Variants in ACO1 observed in about 807,000 individuals in gnomAD.
ACO1 encodes aconitase 1, also known as cytoplasmic aconitate hydratase.
ACO1 carries 78 observed loss-of-function variants against 105.1 expected under a neutral mutation model. That is an observed-to-expected ratio of 0.74 (90% CI 0.62 to 0.90). The LOEUF is 0.90. Among genes scored for constraint, ACO1 ranks in the 40% least tolerant of loss-of-function variants. The pLI, the probability that ACO1 is intolerant of heterozygous loss-of-function variation, is 0.00. For synonymous variants in ACO1, 364 were observed against 397.4 expected, an observed-to-expected ratio of 0.92 and a Z score of 1.00; for missense variants, 965 against 1,111.1, an observed-to-expected ratio of 0.87 and a Z score of 1.87.
intron 20 of ACO1, among the ~76,000 whole-genome samples, chr9:32,449,738 G>A (rs1197918279): frequency 6.6e-6 from 1 of 152,144 alleles, no homozygotes. Flanking sequence ...CTAGTTCTTA[G>A]ATGGCTCTCA....
intron 12 of ACO1, among the ~76,000 whole-genome samples, chr9:32,428,041 A>G (rs959540319): frequency 1.1e-4 from 16 of 152,000 alleles, no homozygotes; most frequent in Admixed American, 9.8e-4. Context: ...TTGGGAGGCC[A>G]GGGCAAGAGG....
chr9:32,412,051 T>G (rs906748557), intron 4 of ACO1, among the ~76,000 whole-genome samples: 2 of 152,180 alleles, frequency 1.3e-5, no homozygotes, highest in African/African-American at 4.8e-5. Context: ...TCTGGATAGC[T>G]GACTTCAGAA....
intron 1 of ACO1, among the ~76,000 whole-genome samples, chr9:32,391,605 G>A (rs1442614678): frequency 6.6e-6 from 1 of 152,236 alleles, no homozygotes; most frequent in African/African-American, 2.4e-5. Context: ...CCCATCTTTG[G>A]ATAGTGTAAC....
intron 4 of ACO1, among the ~76,000 whole-genome samples, chr9:32,412,707 G>A (rs1200378637): frequency 6.6e-6 from 1 of 152,040 alleles, no homozygotes; most frequent in African/African-American, 2.4e-5. Context: ...CCTAAATCAC[G>A]TGAACTCAGT....
rs1245998805 is a variant in ACO1, at chr9:32,440,461, T to A, written c.2248-4T>A. 1 of 1,613,696 alleles carries A rather than the reference T, an allele frequency of 6.2e-7. No individual in the cohort carries two copies. The highest frequency in any genetic ancestry group is 8.5e-7 in the Non-Finnish European group (1 of 1,179,732). The stretch of plus-strand genomic sequence containing the variant: ...TCTGTAAAACTTCCTTTTCTCTTCC[T>A]CAGCTTGATGTGTTTGATGCTGCTG... On this transcript the variant is annotated splice_region_variant and splice_polypyrimidine_tract_variant and intron_variant, in intron 18 of 20. Transcript: ENST00000309951.
rs1403944134 is a variant in ACO1 at position 32,450,097 on chromosome 9, A to C, written c.2656A>C (p.Lys886Gln). The change falls in exon 21 of 21, where the codon AAG becomes CAG. Residue 886 changes from lysine (K) to glutamine (Q), a missense_variant. Coordinates refer to ENST00000309951, the MANE Select transcript of ACO1 (RefSeq NM_002197.3). The stretch of plus-strand genomic sequence containing the variant: ...GGGCATCCTCAACTACATGATCCGC[A>C]AGATGGCCAAGTAGGAGACGTGCAC... ...NGGILNYMIR[K>Q]MAK 1 of 1,613,522 alleles carries C rather than the reference A, an allele frequency of 6.2e-7. No individual in the cohort carries two copies. The highest frequency in any genetic ancestry group is 8.5e-7 in the Non-Finnish European group (1 of 1,179,820).
chr9:32,405,551 A>G lies in ACO1; in HGVS notation c.45A>G (p.Val15=). 1 of 1,614,110 alleles carries G rather than the reference A, an allele frequency of 6.2e-7. No homozygotes were observed. Among genetic ancestry groups the G allele is most frequent in the Non-Finnish European group, 8.5e-7 (1 of 1,180,010 alleles). The change falls in exon 2 of 21, where the codon GTA becomes GTG. Residue 15 remains valine, a synonymous_variant. Coordinates refer to ENST00000309951, the MANE Select transcript of ACO1 (RefSeq NM_002197.3). ...ACCTTGCTGAGCCATTGGATCCTGTACAACCAGGAAAGAAATTCTTCAATT... is the reference window on the plus strand; with the variant it reads ...ACCTTGCTGAGCCATTGGATCCTGTGCAACCAGGAAAGAAATTCTTCAATT... ...FAHLAEPLDP[V]QPGKKFFNLN... is the part of the protein sequence containing the mutation.
Position 32,452,064 on chromosome 9 carries a change from C to CAAAAAA in ACO1, c.*1963_*1968dup, listed in dbSNP as rs35264413. The CAAAAAA allele has an allele frequency of 7.3e-6, 1 of 137,352 alleles. No homozygotes were observed. The highest frequency in any genetic ancestry group is 7.3e-5 in the Admixed American group (1 of 13,724). The allele number at this position is 137,352 out of a possible 1,614,324, so 8.5% of individuals were successfully genotyped here. A position where few individuals can be genotyped will look rare whatever the true frequency, so the allele number is the denominator to read the frequency against. On this transcript the variant is annotated 3_prime_UTR_variant, in exon 21 of 21. Coordinates refer to ENST00000309951, the MANE Select transcript of ACO1 (RefSeq NM_002197.3). The stretch of plus-strand genomic sequence containing the variant: ...GGGCTACAAGAGCAAAGCTCCGTCT[C>CAAAAAA]AAAAAAAAAAAAAAATTACAAACAA...
In ACO1 at chr9:32,434,674, C is replaced by T. The variant is rs1379640618; in HGVS notation, c.2072C>T (p.Pro691Leu). Residue 691 changes from proline (P) to leucine (L), a missense_variant, in exon 17 of 21, where the codon CCT becomes CTT. By Grantham distance (98) the Pro-to-Leu change is moderately conservative. Transcript: ENST00000309951. ...SPAGNIARNS[P>L]AARYLTNRGL... ...GCTGGAAATATTGCAAGAAACAGTC[C>T]TGCTGCTCGCTACTTAACTAACAGA... 2 of 1,613,980 alleles carry T rather than the reference C, an allele frequency of 1.2e-6. No homozygotes were observed. The highest frequency in any genetic ancestry group is 1.3e-5 in the African/African-American group (1 of 74,902).
intron 19 of ACO1, among the ~76,000 whole-genome samples, chr9:32,444,903 G>A (rs1044578225): frequency 6.6e-6 from 1 of 152,164 alleles, no homozygotes; most frequent in Non-Finnish European, 1.5e-5. Context: ...TTCTGTTTAT[G>A]TGATGGATTA....
chr9:32,400,263 G>A (rs897125625), intron 1 of ACO1, among the ~76,000 whole-genome samples: 1 of 152,010 alleles, frequency 6.6e-6, no homozygotes, highest in Non-Finnish European at 1.5e-5. Flanking sequence ...AAGCCACTGC[G>A]CCTGGCTGTA....
At chr9:32,426,061 G>C in intron 11 of ACO1, 64 bp downstream of exon 11, 2 of 1,541,998 alleles carry the variant, frequency 1.3e-6, no homozygotes, top group South Asian at 2.4e-5. Context: ...GCCCGAGACA[G>C]GGCCCAGGGC....
rs1822723933 is a variant in ACO1, at chr9:32,450,063, C to G, written c.2622C>G (p.Phe874Leu). Residue 874 changes from phenylalanine to leucine, a missense_variant, in exon 21 of 21, where the codon TTC becomes TTG. Physicochemically the swap from Phe to Leu is conservative, Grantham distance 22. Transcript: ENST00000309951. Reference protein sequence around the residue: ...RFDTDVELTYFLNGGILNYMI... With the variant: ...RFDTDVELTYLLNGGILNYMI... ...ACACTGATGTGGAGCTCACTTATTT[C>G]CTCAACGGGGGCATCCTCAACTACA... is the stretch of plus-strand genomic sequence containing the variant. 6.2e-7 allele frequency: 1 copy of G among 1,613,856 alleles called. No homozygotes were observed. The highest frequency in any genetic ancestry group is 8.5e-7 in the Non-Finnish European group (1 of 1,179,978).
intron 1 of ACO1, among the ~76,000 whole-genome samples, chr9:32,391,163 A>G (rs962544906): frequency 6.6e-6 from 1 of 152,220 alleles, no homozygotes; most frequent in Non-Finnish European, 1.5e-5. Context: ...TAATTATCCT[A>G]GCAGCCCTTG....
At position 32,420,935 on chromosome 9, in the gene ACO1, G is replaced by A. The variant is rs146504268; in HGVS notation, c.878G>A (p.Arg293Gln). Residue 293 changes from arginine to glutamine, a missense_variant, in exon 8 of 21, where the codon CGA becomes CAA. Physicochemically the swap from Arg to Gln is conservative, Grantham distance 43. Transcript: ENST00000309951. ...PGVAQLSIAD[R>Q]ATIANMCPEY... ...GTAGCCCAGTTGTCCATTGCTGACCGAGCTACGATTGCTAACATGTGTCCA... is the reference window on the plus strand; with the variant it reads ...GTAGCCCAGTTGTCCATTGCTGACCAAGCTACGATTGCTAACATGTGTCCA... The A allele has an allele frequency of 3.7e-5, 60 of 1,613,964 alleles. No individual in the cohort carries two copies. The highest frequency in any genetic ancestry group is 4.7e-5 in the Non-Finnish European group (56 of 1,179,988).
chr9:32,387,468 G>C (rs1821178524), intron 1 of ACO1, among the ~76,000 whole-genome samples: 1 of 152,098 alleles, frequency 6.6e-6, no homozygotes, highest in Non-Finnish European at 1.5e-5. Flanking sequence ...AGTTCAAGTT[G>C]TTAAACCTTT....
Position 32,412,482 on chromosome 9 carries a change from G to A in ACO1, c.404+3831G>A, listed in dbSNP as rs1218465866. On this transcript the variant is annotated intron_variant, in intron 4 of 20. Transcript: ENST00000309951. ...TATTTGCTTCCTTGGGGATGTAACTGAGTTCCTGGCAGCCTCAAAAGAAAT... is the reference window on the plus strand; with the variant it reads ...TATTTGCTTCCTTGGGGATGTAACTAAGTTCCTGGCAGCCTCAAAAGAAAT... 2.0e-5 allele frequency among the ~76,000 whole-genome samples: 3 copies of A among 152,198 alleles called. No homozygotes were observed. In the East Asian group the frequency reaches 5.8e-4, roughly 29 times the overall value.
intron 1 of ACO1, among the ~76,000 whole-genome samples, chr9:32,392,940 C>T (rs1821296258): frequency 6.6e-6 from 1 of 152,342 alleles, no homozygotes; most frequent in Admixed American, 6.5e-5. Flanking sequence ...CTTGTGATTT[C>T]CTATGCCTGT....
At chr9:32,430,015 C>T (rs112103283) in intron 13 of ACO1, among the ~76,000 whole-genome samples, 1 of 152,214 alleles carries the variant, frequency 6.6e-6, no homozygotes, top group Admixed American at 6.5e-5. Flanking sequence ...TTTTTATCCC[C>T]AAAATGCTGA....
Sources: allele counts gnomAD v4.1 joint callset (sites outside exome capture counted in the v4.1 genomes callset), GRCh38; gene constraint gnomAD v4.1.1; transcripts MANE v1.5; gene names NCBI Gene and HGNC (gene_info 2026-07-23, HGNC 2026-07-21).